The following GCSH variants were observed in gnomAD, a reference collection of about 807,000 sequenced individuals.
The protein encoded by GCSH is glycine cleavage system protein H.
In GCSH, 15 loss-of-function variants were observed where a neutral mutation model predicts 21.3. The ratio of observed to expected loss-of-function variants is 0.70; its 90% confidence interval spans 0.47 to 1.08. GCSH has a LOEUF of 1.08. GCSH is among the 50% of genes least tolerant of loss of function. The probability of loss-of-function intolerance (pLI) is 0.00; values close to 1 mark genes in which losing one functional copy is unlikely to be tolerated. For missense variants in GCSH, 179 were observed against 217.5 expected (o/e 0.82, Z 1.11); for synonymous variants, 59 against 84.5 (o/e 0.70, Z 1.66).
At chr16:81,089,871 C>G (rs542054730) in intron 2 of GCSH, among the ~76,000 whole-genome samples, 2 of 152,282 alleles carry the variant, frequency 1.3e-5, no homozygotes, top group South Asian at 2.1e-4. Flanking sequence ...TCCTCCTGGT[C>G]ACGTGTGTAT....
In GCSH at chr16:81,088,263, A is replaced by C. The variant is rs146055170; in HGVS notation, c.229-599T>G. Among the ~76,000 whole-genome samples, 12 of 152,246 alleles carry C rather than the reference A, an allele frequency of 7.9e-5. No homozygotes were observed. The East Asian group carries it at 2.1e-3, about 27-fold the overall frequency. ...ATATAGCAAGACCCTGTTCTCCAAA[A>C]CTAAGTAAAATAAAATGATTTTAAA... is the stretch of plus-strand genomic sequence containing the variant. On this transcript the variant is annotated intron_variant, in intron 2 of 4. Transcript: ENST00000315467.
chr16:81,092,180 C>T (rs1972411071), intron 1 of GCSH, among the ~76,000 whole-genome samples: 1 of 151,984 alleles, frequency 6.6e-6, no homozygotes, highest in African/African-American at 2.4e-5. Context: ...TCCGTTCCTG[C>T]CCAAAGGCTT....
At chr16:81,093,378 T>C (rs4889233) in intron 1 of GCSH, among the ~76,000 whole-genome samples, 131,615 of 152,082 alleles carry the variant, frequency 0.87, 57,495 homozygotes, top group South Asian at 0.97. Context: ...GTGAAGATAA[T>C]TTTAGGAGTA....
intron 4 of GCSH, chr16:81,083,309 G>C: frequency 3.1e-6 from 1 of 318,788 alleles, no homozygotes; most frequent in South Asian, 2.8e-5. Flanking sequence ...CTTGAGGCTA[G>C]GAGCTCTAGA....
At chr16:81,093,912 C>CT (rs1219796498) in intron 1 of GCSH, among the ~76,000 whole-genome samples, 4 of 151,890 alleles carry the variant, frequency 2.6e-5, no homozygotes, top group Admixed American at 6.6e-5. Context: ...TAATTACTTT[C>CT]TTTTTTTGAG....
In GCSH at chr16:81,096,350, A is replaced by G. The variant is rs963805373; in HGVS notation, c.-72T>C. 7.9e-5 allele frequency: 91 copies of G among 1,152,688 alleles called. No homozygotes were observed. The highest frequency in any genetic ancestry group is 9.7e-5 in the Non-Finnish European group (86 of 883,308). 71.4% of individuals were successfully genotyped at this position (1,152,688 alleles called of 1,614,324 possible). On this transcript the variant is annotated 5_prime_UTR_variant, in exon 1 of 5. Transcript: ENST00000315467. ...GCCGGGAGGCGGGGCGGGGAGGGGC[A>G]GTTCGCGGCCGGAGGGAGCCGGCTG...
At chr16:81,084,711 C>CTTT (rs35385687) in intron 3 of GCSH, 117 bp from the exon 4 acceptor site, 20 of 570,862 alleles carry the variant, frequency 3.5e-5, no homozygotes, top group African/African-American at 1.3e-4. Flanking sequence ...TTCCAAATTT[C>CTTT]TTTTTTTTTT....
chr16:81,089,874 G>A (rs759954326), intron 2 of GCSH, among the ~76,000 whole-genome samples: 4 of 152,102 alleles, frequency 2.6e-5, no homozygotes, highest in South Asian at 2.1e-4. Flanking sequence ...TCCTGGTCAC[G>A]TGTGTATCAC....
chr16:81,088,274 TA>T (rs1170048737), intron 2 of GCSH, among the ~76,000 whole-genome samples: 6 of 151,972 alleles, frequency 3.9e-5, no homozygotes, highest in Non-Finnish European at 7.4e-5. Flanking sequence ...CTAAGTAAAA[TA>T]AAATGATTTT....
At chr16:81,085,732 C>T (rs539711464) in intron 3 of GCSH, among the ~76,000 whole-genome samples, 70 of 152,114 alleles carry the variant, frequency 4.6e-4, no homozygotes, top group African/African-American at 1.5e-3. Context: ...TGGTGGTGGG[C>T]GCCTATAATC....
chr16:81,093,254 G>A (rs1205813989), intron 1 of GCSH, among the ~76,000 whole-genome samples: 1 of 152,018 alleles, frequency 6.6e-6, no homozygotes. Flanking sequence ...CAAATCGCCG[G>A]TTATATGCCA....
chr16:81,086,281 C>T (rs1437441272), intron 3 of GCSH, among the ~76,000 whole-genome samples: 3 of 150,292 alleles, frequency 2.0e-5, no homozygotes, highest in African/African-American at 4.9e-5. Context: ...GCTTGTAATC[C>T]CAACACTTTG....
At chr16:81,091,773 G>A (rs1972402695) in intron 1 of GCSH, among the ~76,000 whole-genome samples, 1 of 152,030 alleles carries the variant, frequency 6.6e-6, no homozygotes, top group African/African-American at 2.4e-5. Context: ...TAAGTAGAGT[G>A]TATAATTATT....
At chr16:81,083,146 A>C (rs1260598626) in intron 4 of GCSH, 183 bp from the exon 5 acceptor site, 4 of 617,184 alleles carry the variant, frequency 6.5e-6, no homozygotes, top group Non-Finnish European at 1.2e-5. Context: ...AACAAATGAA[A>C]ATAATTATGG....
chr16:81,083,293 A>C (rs1972207475), intron 4 of GCSH: 1 of 329,564 alleles, frequency 3.0e-6, no homozygotes, highest in Admixed American at 4.4e-5. Context: ...GAAGGCAAGC[A>C]AATCACTTGA....
intron 3 of GCSH, among the ~76,000 whole-genome samples, chr16:81,086,448 T>C (rs895239147): frequency 6.6e-6 from 1 of 152,016 alleles, no homozygotes; most frequent in Non-Finnish European, 1.5e-5. Context: ...TCCCAGCTAC[T>C]TGGGTGGCTG....
In GCSH at chr16:81,084,565, C is replaced by A. The variant is rs1213760189; in HGVS notation, c.322G>T (p.Ala108Ser). The A allele has an allele frequency of 8.7e-6, 14 of 1,605,916 alleles. No homozygotes were observed. The highest frequency in any genetic ancestry group is 1.1e-5 in the Non-Finnish European group (13 of 1,172,830). ...DEFGALESVK[A>S]ASELYSPLSG... ...AAAGGAGAATAGAGTTCACTAGCAG[C>A]TTTCACACTTTCCAAAGCACCAAAC... Residue 108 changes from alanine (A) to serine (S), a missense_variant, in exon 4 of 5, where the codon GCT becomes TCT. By Grantham distance (99) the Ala-to-Ser change is moderately conservative. Transcript: ENST00000315467.
At chr16:81,091,910 G>A (rs956654642) in intron 1 of GCSH, among the ~76,000 whole-genome samples, 4 of 152,116 alleles carry the variant, frequency 2.6e-5, no homozygotes, top group East Asian at 1.9e-4. Flanking sequence ...GTGAGCCACC[G>A]TGCCTAGCCA....
chr16:81,096,046 C>G (rs1323014610), intron 1 of GCSH, 85 bp downstream of exon 1: 3 of 1,130,376 alleles, frequency 2.7e-6, no homozygotes, highest in South Asian at 8.4e-5. Context: ...GGAGCGGTGC[C>G]CCGGCGTCCT....
Sources: gnomAD v4.1 joint callset for allele counts (sites outside exome capture counted in the v4.1 genomes callset) on GRCh38, gnomAD v4.1.1 for gene constraint, MANE v1.5 for transcripts, NCBI Gene and HGNC (gene_info 2026-07-23, HGNC 2026-07-21) for gene names.